NCKAP5: variants seen among roughly 807,000 people sequenced by gnomAD.
NCKAP5 encodes the protein NCK associated protein 5, also known as nck-associated protein 5.
In NCKAP5, 92 loss-of-function variants were observed where a neutral mutation model predicts 167.0. The ratio of observed to expected loss-of-function variants is 0.55; its 90% CI spans 0.47 to 0.66. The LOEUF is 0.66. Ranked by LOEUF, NCKAP5 falls within the 30% of genes least tolerant of loss-of-function variation. NCKAP5 has a pLI of 0.00. For synonymous variants in NCKAP5, 891 were observed against 877.4 expected (o/e 1.02, Z -0.27); for missense variants, 2,378 against 2,315.0 (o/e 1.03, Z -0.56).
intron 3 of NCKAP5, among the ~76,000 whole-genome samples, chr2:133,505,657 C>A (rs1682939566): frequency 6.6e-6 from 1 of 152,200 alleles, no homozygotes; most frequent in Non-Finnish European, 1.5e-5. Flanking sequence ...CAAACTCACA[C>A]AGGCAGTAGG....
At chr2:133,506,675 G>A (rs1683040176) in intron 3 of NCKAP5, among the ~76,000 whole-genome samples, 1 of 152,112 alleles carries the variant, frequency 6.6e-6, no homozygotes, top group Admixed American at 6.5e-5. Context: ...AGGCCTAGTG[G>A]CAATGACTCC....
At position 133,073,391 on chromosome 2, in the gene NCKAP5, CAT is replaced by C. The variant is rs532670506; in HGVS notation, c.341+56585_341+56586del. Reference sequence around the variant, plus strand: ...GTCCTTGGCTAACCCCTAAGGTACACATGTTTAGAAGTGACCTGAAGCTGCAT... The same window carrying C: ...GTCCTTGGCTAACCCCTAAGGTACACGTTTAGAAGTGACCTGAAGCTGCAT... On this transcript the variant is annotated intron_variant, in intron 6 of 19. Coordinates refer to ENST00000409261, the MANE Select transcript of NCKAP5 (RefSeq NM_207363.3). 4.0e-4 allele frequency among the ~76,000 whole-genome samples: 61 copies of C among 152,292 alleles called. 1 individual carries two copies. The highest frequency in any genetic ancestry group is 1.3e-3 in the African/African-American group (56 of 41,566).
chr2:133,260,014 G>A (rs2088824698), intron 4 of NCKAP5, among the ~76,000 whole-genome samples: 1 of 152,188 alleles, frequency 6.6e-6, no homozygotes, highest in Non-Finnish European at 1.5e-5. Flanking sequence ...CTAGTAAAAT[G>A]AGAAAGCAAT....
chr2:133,627,327 T>C, the NCKAP5 span, among the ~76,000 whole-genome samples: 1 of 152,266 alleles, frequency 6.6e-6, no homozygotes, highest in East Asian at 1.9e-4. Context: ...ATTAAGGAAA[T>C]ACAAATTAAA....
At chr2:133,300,301 C>CA (rs1428137064) in intron 4 of NCKAP5, among the ~76,000 whole-genome samples, 7 of 132,300 alleles carry the variant, frequency 5.3e-5, no homozygotes, top group Middle Eastern at 3.6e-3. Context: ...ATTCTGATAC[C>CA]AAAGCCGGGC....
intron 3 of NCKAP5, among the ~76,000 whole-genome samples, chr2:133,480,856 A>G (rs1323466724): frequency 1.3e-5 from 2 of 152,160 alleles, no homozygotes; most frequent in East Asian, 3.8e-4. Flanking sequence ...AAGATTCCCA[A>G]ACTGTCCTGC....
At chr2:133,180,188 T>G (rs1044685344) in intron 5 of NCKAP5, among the ~76,000 whole-genome samples, 8 of 151,714 alleles carry the variant, frequency 5.3e-5, no homozygotes, top group Admixed American at 6.6e-5. Flanking sequence ...AAAAAAAGAA[T>G]GCCAATCCCA....
chr2:133,371,105 C>A (rs1041265601), intron 3 of NCKAP5, among the ~76,000 whole-genome samples: 5 of 152,188 alleles, frequency 3.3e-5, no homozygotes, highest in African/African-American at 1.2e-4. Flanking sequence ...CTACAAACAT[C>A]TATGTGTGGC....
chr2:133,272,823 T>C (rs1303435469), intron 4 of NCKAP5, among the ~76,000 whole-genome samples: 1 of 152,216 alleles, frequency 6.6e-6, no homozygotes, highest in Non-Finnish European at 1.5e-5. Context: ...GCCCTTTCTC[T>C]GGCTTCTTTC....
chr2:133,559,427 T>C (rs936371763), intron 1 of NCKAP5, among the ~76,000 whole-genome samples: 8 of 152,296 alleles, frequency 5.3e-5, no homozygotes, highest in Middle Eastern at 3.4e-3. Context: ...CAAGTTATCC[T>C]CCAATCTCAG....
At chr2:133,084,741 CA>C (rs1185992497) in intron 6 of NCKAP5, among the ~76,000 whole-genome samples, 1 of 152,176 alleles carries the variant, frequency 6.6e-6, no homozygotes, top group Non-Finnish European at 1.5e-5. Flanking sequence ...GACTTACAGC[CA>C]CCATTCATGA....
chr2:133,613,018 G>A, the NCKAP5 span, among the ~76,000 whole-genome samples: 2 of 152,150 alleles, frequency 1.3e-5, no homozygotes, highest in Non-Finnish European at 2.9e-5. Context: ...CAGTTTCTGA[G>A]GGCTAAGAGG....
rs561666910 is a variant in NCKAP5 at position 132,683,019 on chromosome 2, G to A, written c.5714-9714C>T. Among the ~76,000 whole-genome samples the A allele has an allele frequency of 3.6e-4, 54 of 151,858 alleles. 2 individuals are homozygous for A. The South Asian group carries it at 0.011, about 30-fold the overall frequency. ...CTGCCTCAGTCTCCCAAGTAGTTGA[G>A]ATTACAGGCATGCACCTCCATGCCT... On this transcript the variant is annotated intron_variant, in intron 19 of 19. Coordinates refer to ENST00000409261, the MANE Select transcript of NCKAP5 (RefSeq NM_207363.3).
At chr2:132,909,916 T>C (rs1379463020) in intron 8 of NCKAP5, among the ~76,000 whole-genome samples, 1 of 152,194 alleles carries the variant, frequency 6.6e-6, no homozygotes, top group South Asian at 2.1e-4. Flanking sequence ...TGCTAAATGC[T>C]TAAAGAATCT....
chr2:132,787,355 A>T (rs36018722), intron 13 of NCKAP5, among the ~76,000 whole-genome samples: 2 of 150,848 alleles, frequency 1.3e-5, no homozygotes, highest in East Asian at 4.2e-4. Context: ...TTCAAAAAAA[A>T]AAAAAAAAAA....
intron 6 of NCKAP5, among the ~76,000 whole-genome samples, chr2:133,001,404 G>A (rs2077775172): frequency 6.6e-6 from 1 of 151,968 alleles, no homozygotes. Context: ...ATTTTTCGGA[G>A]AGACAGGGTT....
At chr2:133,007,848 T>A (rs961002341) in intron 6 of NCKAP5, among the ~76,000 whole-genome samples, 13 of 152,190 alleles carry the variant, frequency 8.5e-5, no homozygotes, top group African/African-American at 2.9e-4. Flanking sequence ...AAAGATAAAC[T>A]GGAGAATGTA....
the NCKAP5 span, among the ~76,000 whole-genome samples, chr2:133,611,834 G>T: frequency 6.6e-6 from 1 of 152,134 alleles, no homozygotes; most frequent in Non-Finnish European, 1.5e-5. Flanking sequence ...TTATAGATGG[G>T]ACATGATGAT....
intron 16 of NCKAP5, among the ~76,000 whole-genome samples, chr2:132,749,700 A>G (rs192567621): frequency 6.7e-6 from 1 of 148,392 alleles, no homozygotes; most frequent in South Asian, 2.1e-4. Flanking sequence ...TAAAGGTAGC[A>G]TTTTTTTTTT....
Sources: gnomAD v4.1 joint callset for allele counts (sites outside exome capture counted in the v4.1 genomes callset) on GRCh38, gnomAD v4.1.1 for gene constraint, MANE v1.5 for transcripts, NCBI Gene and HGNC (gene_info 2026-07-23, HGNC 2026-07-21) for gene names.